The following GSTCD variants were observed in gnomAD, a reference collection of about 807,000 sequenced individuals.
The protein encoded by GSTCD is glutathione S-transferase C-terminal domain-containing protein.
GSTCD carries 44 observed loss-of-function variants against 68.3 expected under a neutral mutation model. The ratio of observed to expected loss-of-function variants is 0.64; its 90% confidence interval spans 0.51 to 0.83. The LOEUF (loss-of-function observed/expected upper bound fraction) is 0.83. Among genes scored for constraint, GSTCD ranks in the 40% least tolerant of loss-of-function variants. The probability of loss-of-function intolerance (pLI) is 0.00; values close to 1 mark genes in which losing one functional copy is unlikely to be tolerated. For synonymous variants in GSTCD, 273 were observed against 255.2 expected (o/e 1.07, Z -0.67); for missense variants, 739 against 735.9 (o/e 1.00, Z -0.05).
At chr4:105,730,947 G>C (rs1029519522) in intron 5 of GSTCD, among the ~76,000 whole-genome samples, 4 of 152,098 alleles carry the variant, frequency 2.6e-5, no homozygotes, top group African/African-American at 9.7e-5. Flanking sequence ...TCGAGTTTCA[G>C]CTTTCTACAT....
In GSTCD at chr4:105,719,153, G is replaced by C; in HGVS notation, c.520G>C (p.Val174Leu). 1 of 1,614,090 alleles carries C rather than the reference G, an allele frequency of 6.2e-7. No homozygotes were observed. Among genetic ancestry groups the C allele is most frequent in the Non-Finnish European group, 8.5e-7 (1 of 1,179,992 alleles). Reference sequence around the variant, plus strand: ...TTCTGACCAGCCCCCAACTATACCTGTAGAAATACTACAGCTAGAGAAAAA... The same window carrying C: ...TTCTGACCAGCCCCCAACTATACCTCTAGAAATACTACAGCTAGAGAAAAA... ...ESSDQPPTIP[V>L]EILQLEKKLS... The change falls in exon 3 of 12, where the codon GTA (valine) becomes CTA (leucine). Residue 174 changes from valine (V) to leucine (L), a missense_variant. By Grantham distance (32) the Val-to-Leu change is conservative. Transcript: ENST00000515279.
At chr4:105,807,603 T>C (rs1048377970) in intron 5 of GSTCD, among the ~76,000 whole-genome samples, 1 of 152,082 alleles carries the variant, frequency 6.6e-6, no homozygotes, top group Non-Finnish European at 1.5e-5. Context: ...ATCTATTTCC[T>C]CTATTAGATG....
intron 5 of GSTCD, among the ~76,000 whole-genome samples, chr4:105,750,385 G>C (rs1044996680): frequency 2.6e-5 from 4 of 151,532 alleles, no homozygotes; most frequent in African/African-American, 9.7e-5. Flanking sequence ...GCTTGAATCT[G>C]GGAGGCGGAG....
intron 5 of GSTCD, among the ~76,000 whole-genome samples, chr4:105,817,313 G>A (rs918546670): frequency 3.3e-5 from 5 of 151,824 alleles, no homozygotes; most frequent in African/African-American, 1.2e-4. Context: ...CAATTTGGAA[G>A]TATAAATTAG....
rs10009875 is a variant in GSTCD, at chr4:105,729,474, C to G, written c.1215C>G (p.Leu405=). The G allele has an allele frequency of 0.019, 31,240 of 1,611,316 alleles. 3,247 individuals carry two copies. The African/African-American group carries it at 0.28, about 15-fold the overall frequency. Residue 405 remains leucine, a synonymous_variant, in exon 5 of 12, where the codon CTC becomes CTG. Transcript: ENST00000515279. ...CPTWTLDWNV[L]PAAVSPKEGK... ...CTTGGACTCTTGATTGGAATGTTCT[C>G]CCTGCAGCAGTCAGCCCAAAGGAAG... is the stretch of plus-strand genomic sequence containing the variant.
chr4:105,717,426 T>C (rs1732713879), intron 1 of GSTCD, among the ~76,000 whole-genome samples, 167 bp from the exon 2 acceptor site: 1 of 152,220 alleles, frequency 6.6e-6, no homozygotes, highest in South Asian at 2.1e-4. Context: ...TGGAATTTTT[T>C]TCTTTTGGAA....
Position 105,845,521 on chromosome 4 carries a change from A to G in GSTCD, c.1846A>G (p.Met616Val). ...TGGATACTCCGTTCAAGTGATATCCATGGAGCCAGAGAGCTGCTCTCCCAA... is the reference window on the plus strand; with the variant it reads ...TGGATACTCCGTTCAAGTGATATCCGTGGAGCCAGAGAGCTGCTCTCCCAA... ...ECGYSVQVIS[M>V]EPESCSPKNN... Residue 616 changes from methionine (M) to valine (V), a missense_variant, in exon 12 of 12, where the codon ATG becomes GTG. By Grantham distance (21) the Met-to-Val change is conservative. Transcript: ENST00000515279. The G allele has an allele frequency of 1.2e-6, 2 of 1,614,148 alleles. No individual in the cohort carries two copies. Among genetic ancestry groups the G allele is most frequent in the Non-Finnish European group, 1.7e-6 (2 of 1,179,990 alleles).
At chr4:105,746,110 T>A (rs1159079252) in intron 5 of GSTCD, 1 of 152,130 alleles carries the variant, frequency 6.6e-6, no homozygotes, top group African/African-American at 2.4e-5. Context: ...CATATAACTT[T>A]TGACTCCCCA....
intron 5 of GSTCD, among the ~76,000 whole-genome samples, chr4:105,729,732 A>G (rs756160241): frequency 6.6e-6 from 1 of 151,832 alleles, no homozygotes; most frequent in Non-Finnish European, 1.5e-5. Context: ...CTTTGCTGAC[A>G]TATTTTGATT....
intron 5 of GSTCD, among the ~76,000 whole-genome samples, chr4:105,731,292 A>G (rs1733230674): frequency 6.6e-6 from 1 of 152,166 alleles, no homozygotes. Flanking sequence ...CTTGATGAGG[A>G]TGACATTGAA....
intron 7 of GSTCD, among the ~76,000 whole-genome samples, chr4:105,824,899 C>A (rs929907536): frequency 2.6e-5 from 4 of 152,108 alleles, no homozygotes; most frequent in African/African-American, 9.7e-5. Flanking sequence ...GTTTCTCTCC[C>A]TAAAATACCC....
intron 5 of GSTCD, among the ~76,000 whole-genome samples, chr4:105,770,772 T>C (rs1384116716): frequency 1.3e-5 from 2 of 152,162 alleles, no homozygotes; most frequent in East Asian, 1.9e-4. Flanking sequence ...CAGTCTATCA[T>C]TGATGGCCAT....
intron 8 of GSTCD, among the ~76,000 whole-genome samples, chr4:105,833,463 CAA>C (rs766230415): frequency 1.9e-3 from 245 of 129,332 alleles, no homozygotes; most frequent in African/African-American, 6.4e-3. Context: ...AACTCTGTCT[CAA>C]AAAAAAAAAA....
rs778608759 is a variant in GSTCD at position 105,709,015 on chromosome 4, A to C, written c.-23A>C. 6.6e-6 allele frequency: 1 copy of C among 152,586 alleles called. No homozygotes were observed. Among genetic ancestry groups the C allele is most frequent in the Non-Finnish European group, 1.5e-5 (1 of 68,052 alleles). The allele number at this position is 152,586 out of a possible 1,614,324, so 9.5% of individuals were successfully genotyped here. ...CCTGCCTGGCCGCGCCTCTGCGACCAGGTAAAGAGGGCGCTCGGGCCGCCG... is the reference window on the plus strand; with the variant it reads ...CCTGCCTGGCCGCGCCTCTGCGACCCGGTAAAGAGGGCGCTCGGGCCGCCG... On this transcript the variant is annotated splice_region_variant and 5_prime_UTR_variant, in exon 1 of 12. Coordinates refer to ENST00000515279, the MANE Select transcript of GSTCD (RefSeq NM_001370181.1).
At chr4:105,796,095 G>A (rs998177106) in intron 5 of GSTCD, among the ~76,000 whole-genome samples, 1 of 152,170 alleles carries the variant, frequency 6.6e-6, no homozygotes. Context: ...ATTTATACAG[G>A]AAAGAGGTTT....
At chr4:105,799,636 G>A (rs754601558) in intron 5 of GSTCD, among the ~76,000 whole-genome samples, 2 of 152,018 alleles carry the variant, frequency 1.3e-5, no homozygotes, top group South Asian at 2.1e-4. Context: ...GGCATGGTTC[G>A]TGGCTCCCCA....
At chr4:105,794,626 GT>G (rs922851188) in intron 5 of GSTCD, among the ~76,000 whole-genome samples, 6 of 146,826 alleles carry the variant, frequency 4.1e-5, no homozygotes, top group African/African-American at 7.5e-5. Flanking sequence ...TATTTTTGGT[GT>G]TTTTTTTTTC....
intron 5 of GSTCD, among the ~76,000 whole-genome samples, chr4:105,737,571 G>A (rs1733502321): frequency 6.6e-6 from 1 of 152,146 alleles, no homozygotes; most frequent in African/African-American, 2.4e-5. Context: ...ATGTCTAGAA[G>A]CATTCTCCTT....
chr4:105,729,567 T>G (rs1312187052), intron 5 of GSTCD, 68 bp downstream of exon 5: 1 of 978,440 alleles, frequency 1.0e-6, no homozygotes, highest in Non-Finnish European at 1.6e-6. Flanking sequence ...GTCTTCTAAT[T>G]CTCTAAATCT....
Sources: allele counts gnomAD v4.1 joint callset (sites outside exome capture counted in the v4.1 genomes callset), GRCh38; gene constraint gnomAD v4.1.1; transcripts MANE v1.5; gene names NCBI Gene and HGNC (gene_info 2026-07-23, HGNC 2026-07-21).